The following MYT1L variants were observed in gnomAD, a reference collection of about 807,000 sequenced individuals.
MYT1L encodes the protein myelin transcription factor 1 like, also known as myelin transcription factor 1-like protein.
In MYT1L, 12 loss-of-function variants were observed where a neutral mutation model predicts 126.7. That is an observed-to-expected ratio of 0.09 (90% CI 0.06 to 0.15). The LOEUF is 0.15. Among genes scored for constraint, MYT1L ranks in the 10% least tolerant of loss-of-function variants. MYT1L has a pLI of 1.00. For synonymous variants in MYT1L, 541 were observed against 604.2 expected (o/e 0.90, Z 1.53); for missense variants, 979 against 1,585.2 (o/e 0.62, Z 6.49).
intron 2 of MYT1L, among the ~76,000 whole-genome samples, chr2:2,214,266 T>TATCC (rs1444438942): frequency 6.8e-6 from 1 of 146,452 alleles, no homozygotes; most frequent in East Asian, 2.0e-4. Flanking sequence ...ATTATCTATC[T>TATCC]ATCTATCTAT....
At chr2:2,283,505 A>C (rs370458564) in intron 2 of MYT1L, among the ~76,000 whole-genome samples, 11 of 152,322 alleles carry the variant, frequency 7.2e-5, no homozygotes, top group African/African-American at 2.6e-4. Flanking sequence ...TTAGTTGTGT[A>C]GCAAATAGAG....
chr2:1,838,759 G>A (rs905658655), intron 21 of MYT1L, among the ~76,000 whole-genome samples: 2 of 152,186 alleles, frequency 1.3e-5, no homozygotes, highest in Non-Finnish European at 2.9e-5. Flanking sequence ...TTCACCAGGA[G>A]CCACCGTGCC....
At chr2:1,995,771 T>G (rs1011861832) in intron 5 of MYT1L, among the ~76,000 whole-genome samples, 6 of 152,146 alleles carry the variant, frequency 3.9e-5, no homozygotes, top group Non-Finnish European at 8.8e-5. Flanking sequence ...TGCTCCTTTA[T>G]CAAGGGGAGT....
At chr2:1,965,997 G>A (rs531589607) in intron 8 of MYT1L, among the ~76,000 whole-genome samples, 20 of 152,356 alleles carry the variant, frequency 1.3e-4, no homozygotes, top group African/African-American at 3.1e-4. Context: ...CCTGCACTGC[G>A]GCTCTGCCTG....
At chr2:2,094,836 G>C (rs2077267744) in intron 3 of MYT1L, among the ~76,000 whole-genome samples, 2 of 152,064 alleles carry the variant, frequency 1.3e-5, no homozygotes, top group African/African-American at 4.8e-5. Flanking sequence ...ATGAGTTAAT[G>C]GGTGTAGCAC....
chr2:1,808,316 C>G (rs1408619682), intron 22 of MYT1L, among the ~76,000 whole-genome samples: 1 of 152,190 alleles, frequency 6.6e-6, no homozygotes, highest in Non-Finnish European at 1.5e-5. Context: ...GCTTGGCTAG[C>G]GTGTGTTTTC....
intron 18 of MYT1L, among the ~76,000 whole-genome samples, chr2:1,876,323 G>A (rs559368100): frequency 3.7e-4 from 56 of 152,220 alleles, no homozygotes; most frequent in African/African-American, 1.0e-3. Flanking sequence ...TGGCATCCTC[G>A]TCTGTCAACA....
Position 1,839,264 on chromosome 2 carries a change from A to G in MYT1L, c.2965T>C (p.Tyr989His). ...CAGGAGAACTGGGAGCCATTCAGGT[A>G]CCCGTCTTTCTGCCTCTTGGCCGCC... is the stretch of plus-strand genomic sequence containing the variant. ...PLAAKRQKDGYLNGSQFSWKS... is the reference protein window; with the variant it reads ...PLAAKRQKDGHLNGSQFSWKS... The change falls in exon 21 of 25, where the codon TAC becomes CAC. Residue 989 changes from tyrosine (Y) to histidine (H), a missense_variant. Physicochemically the swap from Tyr to His is moderately conservative, Grantham distance 83. Around this residue, in one of 12 missense-constraint regions of MYT1L, gnomAD observed 179 missense variants for 398.6 expected, o/e 0.45. Transcript: ENST00000647738. 6.2e-7 allele frequency: 1 copy of G among 1,613,698 alleles called. No individual in the cohort carries two copies. The highest frequency in any genetic ancestry group is 1.3e-5 in the African/African-American group (1 of 75,038).
At chr2:1,991,327 ACT>A (rs1012491829) in intron 5 of MYT1L, among the ~76,000 whole-genome samples, 9 of 150,068 alleles carry the variant, frequency 6.0e-5, no homozygotes, top group Admixed American at 3.3e-4. Flanking sequence ...CTTTTTGGAG[ACT>A]CTGCTACTCT....
chr2:2,109,875 TTATATATATATA>T (rs58549168), intron 3 of MYT1L, among the ~76,000 whole-genome samples: 5,199 of 63,812 alleles, frequency 0.081, 238 homozygotes, highest in Middle Eastern at 0.11. Flanking sequence ...AGTGCTGATT[TTATATATATATA>T]TATATATATA....
chr2:2,284,730 A>C (rs576727077), intron 1 of MYT1L, among the ~76,000 whole-genome samples: 1 of 152,138 alleles, frequency 6.6e-6, no homozygotes, highest in Admixed American at 6.5e-5. Context: ...TTTTTGAGAC[A>C]GAGTCTTGCT....
intron 2 of MYT1L, among the ~76,000 whole-genome samples, chr2:2,197,790 CAT>C (rs574026775): frequency 9.6e-5 from 14 of 145,526 alleles, no homozygotes; most frequent in African/African-American, 3.3e-4. Context: ...ATGTATATAA[CAT>C]ATACACACAT....
intron 3 of MYT1L, among the ~76,000 whole-genome samples, chr2:2,101,921 T>C (rs555892784): frequency 5.9e-5 from 9 of 152,354 alleles, no homozygotes; most frequent in African/African-American, 2.2e-4. Context: ...TCATAACCTT[T>C]CTTGAAAAGC....
At chr2:2,144,951 A>G (rs1350795293) in intron 3 of MYT1L, among the ~76,000 whole-genome samples, 1 of 152,226 alleles carries the variant, frequency 6.6e-6, no homozygotes, top group Admixed American at 6.5e-5. Context: ...GAAAAAAATA[A>G]AATGGGCTGA....
intron 3 of MYT1L, among the ~76,000 whole-genome samples, chr2:2,132,276 C>T (rs1304788725): frequency 1.3e-5 from 2 of 152,018 alleles, no homozygotes; most frequent in Non-Finnish European, 2.9e-5. Flanking sequence ...GACACATGCA[C>T]ACATACGTTT....
chr2:2,216,723 T>A (rs60144672), intron 2 of MYT1L, among the ~76,000 whole-genome samples: 1 of 151,858 alleles, frequency 6.6e-6, no homozygotes, highest in Non-Finnish European at 1.5e-5. Context: ...AACAAAGTCA[T>A]ATGTTTGTTC....
At chr2:1,812,501 T>A (rs2036823979) in intron 21 of MYT1L, among the ~76,000 whole-genome samples, 1 of 151,698 alleles carries the variant, frequency 6.6e-6, no homozygotes, top group South Asian at 2.1e-4. Context: ...CCAGGGTGAG[T>A]GTGAGTGCAC....
At chr2:1,956,433 T>TCTATCTAC in intron 8 of MYT1L, among the ~76,000 whole-genome samples, 1 of 140,190 alleles carries the variant, frequency 7.1e-6, no homozygotes. Context: ...TATCTATCTA[T>TCTATCTAC]CTATCTACCT....
At chr2:2,289,447 T>C (rs983904044) in intron 1 of MYT1L, among the ~76,000 whole-genome samples, 1 of 152,238 alleles carries the variant, frequency 6.6e-6, no homozygotes, top group Non-Finnish European at 1.5e-5. Flanking sequence ...TATAGTGAGC[T>C]AATTTTTACA....
Sources: allele counts gnomAD v4.1 joint callset (sites outside exome capture counted in the v4.1 genomes callset), GRCh38; gene constraint gnomAD v4.1.1; regional missense constraint gnomAD v4.1.1; transcripts MANE v1.5; gene names NCBI Gene and HGNC (gene_info 2026-07-23, HGNC 2026-07-21).